The following MAGI1 variants were observed in gnomAD, a reference collection of about 807,000 sequenced individuals.
MAGI1 encodes the protein membrane-associated guanylate kinase, WW and PDZ domain-containing protein 1.
Under a neutral mutation model 139.9 loss-of-function variants are expected in MAGI1, and 58 were observed. The ratio of observed to expected loss-of-function variants is 0.41; its 90% confidence interval spans 0.34 to 0.52. The LOEUF is 0.52. Ranked by LOEUF, MAGI1 falls within the 20% of genes least tolerant of loss-of-function variation. The pLI, the probability that MAGI1 is intolerant of heterozygous loss-of-function variation, is 0.12. For missense variants in MAGI1, 1,874 were observed against 1,901.6 expected (o/e 0.99, Z 0.27); for synonymous variants, 812 against 737.9 (o/e 1.10, Z -1.63).
intron 1 of MAGI1, among the ~76,000 whole-genome samples, chr3:65,660,587 T>C (rs1400743446): frequency 1.3e-5 from 2 of 152,254 alleles, no homozygotes; most frequent in African/African-American, 4.8e-5. Context: ...TATTGTCTTC[T>C]GGAAAAGTTT....
At chr3:65,856,521 T>TG (rs2108421476) in intron 1 of MAGI1, among the ~76,000 whole-genome samples, 1 of 152,294 alleles carries the variant, frequency 6.6e-6, no homozygotes, top group African/African-American at 2.4e-5. Context: ...CCCAATGCTG[T>TG]GTTCTTTCCT....
intron 14 of MAGI1, among the ~76,000 whole-genome samples, chr3:65,385,184 G>A (rs1444632646): frequency 6.6e-6 from 1 of 152,082 alleles, no homozygotes; most frequent in Non-Finnish European, 1.5e-5. Flanking sequence ...TAAAACAAAT[G>A]CAATTTCCAT....
intron 1 of MAGI1, among the ~76,000 whole-genome samples, chr3:65,997,905 T>A (rs1386252448): frequency 6.6e-6 from 1 of 151,966 alleles, no homozygotes; most frequent in African/African-American, 2.4e-5. Context: ...CTGCCTGTAA[T>A]CCCAGCAGTT....
At chr3:65,457,890 TA>T (rs1264786293) in intron 5 of MAGI1, among the ~76,000 whole-genome samples, 1 of 152,108 alleles carries the variant, frequency 6.6e-6, no homozygotes, top group African/African-American at 2.4e-5. Context: ...TACTAAATCT[TA>T]TTCATTCTTT....
chr3:65,806,200 G>T (rs966095950), intron 1 of MAGI1, among the ~76,000 whole-genome samples: 14 of 152,078 alleles, frequency 9.2e-5, no homozygotes, highest in Admixed American at 2.0e-4. Flanking sequence ...GGAGGCTGAG[G>T]CAGGTGGATC....
At chr3:65,938,876 T>C (rs1179081539) in intron 1 of MAGI1, among the ~76,000 whole-genome samples, 3 of 152,270 alleles carry the variant, frequency 2.0e-5, no homozygotes, top group East Asian at 3.9e-4. Context: ...CTGGTGGGTG[T>C]CTTTGTAGCA....
intron 1 of MAGI1, among the ~76,000 whole-genome samples, chr3:65,681,532 A>T (rs901281826): frequency 2.6e-5 from 4 of 152,202 alleles, no homozygotes; most frequent in Non-Finnish European, 4.4e-5. Context: ...TACAATTTAC[A>T]CTATCATTTT....
rs534769694 is a variant in MAGI1 at position 65,685,131 on chromosome 3, T to C, written c.314-63043A>G. On this transcript the variant is annotated intron_variant, in intron 1 of 22. Transcript: ENST00000402939. Reference sequence around the variant, plus strand: ...GTAGAAGGGCTCTCACTGTATTATTTTGTAAAACTGCCTATGAATCCACAA... The same window carrying C: ...GTAGAAGGGCTCTCACTGTATTATTCTGTAAAACTGCCTATGAATCCACAA... Among the ~76,000 whole-genome samples, 3 of 152,060 alleles carry C rather than the reference T, an allele frequency of 2.0e-5. No individual in the cohort carries two copies. The East Asian group carries it at 5.8e-4, about 29-fold the overall frequency.
chr3:65,919,354 G>C (rs938510718), intron 1 of MAGI1, among the ~76,000 whole-genome samples: 2 of 152,106 alleles, frequency 1.3e-5, no homozygotes, highest in African/African-American at 2.4e-5. Context: ...TTTGAGCCCA[G>C]GAGTTTGAGA....
Position 65,830,616 on chromosome 3 carries a change from A to C in MAGI1, c.313+207380T>G, listed in dbSNP as rs1218083055. Among the ~76,000 whole-genome samples the C allele has an allele frequency of 2.0e-5, 3 of 152,320 alleles. No individual in the cohort carries two copies. The South Asian group carries it at 6.2e-4, about 32-fold the overall frequency. On this transcript the variant is annotated intron_variant, in intron 1 of 22. Transcript: ENST00000402939. ...TATCAATAGAGGTGCCTTAAACAAG[A>C]CTGACTTATATTTGCTAACAATTTT...
At chr3:65,737,539 AAC>A (rs1381809460) in intron 1 of MAGI1, among the ~76,000 whole-genome samples, 3 of 152,254 alleles carry the variant, frequency 2.0e-5, no homozygotes, top group Non-Finnish European at 4.4e-5. Context: ...ACAATAATGT[AAC>A]ATTGTTCCAA....
intron 1 of MAGI1, among the ~76,000 whole-genome samples, chr3:65,965,483 G>A (rs543295769): frequency 3.6e-4 from 55 of 152,190 alleles, no homozygotes; most frequent in African/African-American, 1.3e-3. Context: ...CTCTCAATTA[G>A]GAAGGAAAAT....
chr3:65,529,460 G>A (rs2107835170), intron 2 of MAGI1, among the ~76,000 whole-genome samples: 1 of 152,282 alleles, frequency 6.6e-6, no homozygotes, highest in African/African-American at 2.4e-5. Flanking sequence ...GTACCCATTT[G>A]TGCCTGTCTT....
chr3:65,702,698 T>G (rs1321801693), intron 1 of MAGI1, among the ~76,000 whole-genome samples: 1 of 152,108 alleles, frequency 6.6e-6, no homozygotes, highest in Admixed American at 6.5e-5. Context: ...TATTTTCTGT[T>G]AGGCCACCTG....
At chr3:65,676,330 G>T (rs185202277) in intron 1 of MAGI1, among the ~76,000 whole-genome samples, 1 of 152,140 alleles carries the variant, frequency 6.6e-6, no homozygotes, top group Non-Finnish European at 1.5e-5. Flanking sequence ...GTACACACAC[G>T]TGTCTCTATT....
rs2078652139 is a variant in MAGI1, at chr3:65,530,764, T to TATACAC, written c.431-37134_431-37133insGTGTAT. 2.6e-4 allele frequency among the ~76,000 whole-genome samples: 6 copies of TATACAC among 23,068 alleles called. 2 individuals carry two copies. Among genetic ancestry groups the TATACAC allele is most frequent in the Admixed American group, 9.1e-4 (2 of 2,198 alleles). 15.1% of individuals were successfully genotyped at this position (23,068 alleles called of 152,430 possible). On this transcript the variant is annotated intron_variant, in intron 2 of 22. Coordinates refer to ENST00000402939, the MANE Select transcript of MAGI1 (RefSeq NM_001033057.2). ...ATGCACATATATATACACGTATATA[T>TATACAC]ATATATATACACACATATATATACA...
chr3:65,707,336 GCACAGTGGCTCA>G (rs2030504071), intron 1 of MAGI1, among the ~76,000 whole-genome samples: 1 of 152,180 alleles, frequency 6.6e-6, no homozygotes, highest in Non-Finnish European at 1.5e-5. Flanking sequence ...TGGCAAAAGA[GCACAGTGGCTCA>G]CACCTGTAAT....
At chr3:65,825,802 G>A (rs1421582270) in intron 1 of MAGI1, among the ~76,000 whole-genome samples, 1 of 152,070 alleles carries the variant, frequency 6.6e-6, no homozygotes, top group South Asian at 2.1e-4. Context: ...AGCCTGGCCA[G>A]TATGGTGAAA....
intron 3 of MAGI1, among the ~76,000 whole-genome samples, chr3:65,485,231 T>C (rs1951552692): frequency 6.6e-6 from 1 of 152,206 alleles, no homozygotes; most frequent in South Asian, 2.1e-4. Flanking sequence ...AGTTCCTTCA[T>C]AAAACTGCAA....
Sources: gnomAD v4.1 joint callset for allele counts (sites outside exome capture counted in the v4.1 genomes callset) on GRCh38, gnomAD v4.1.1 for gene constraint, MANE v1.5 for transcripts, NCBI Gene and HGNC (gene_info 2026-07-23, HGNC 2026-07-21) for gene names.